The following IP6K3 variants were observed in gnomAD, a reference collection of about 807,000 sequenced individuals.
IP6K3 encodes the protein ATP:1D-myo-inositol-hexakisphosphate phosphotransferase.
In IP6K3, 20 loss-of-function variants were observed where a neutral mutation model predicts 28.8. That is an observed-to-expected ratio of 0.70 (90% CI 0.49 to 1.01). The LOEUF is 1.01. Ranked by LOEUF, IP6K3 falls within the 50% of genes least tolerant of loss-of-function variation. The pLI is 0.00. For missense variants in IP6K3, 480 were observed against 537.1 expected (o/e 0.89, Z 1.05); for synonymous variants, 213 against 221.3 (o/e 0.96, Z 0.33).
At position 33,722,804 on chromosome 6, in the gene IP6K3, G is replaced by T. The variant is rs376075358; in HGVS notation, c.1149C>A (p.Thr383=). The T allele has an allele frequency of 1.3e-4, 203 of 1,614,168 alleles. 1 individual carries two copies. In the South Asian group the frequency reaches 1.3e-3, roughly 10 times the overall value. ...TTYKGYWNEH[T]TYDGPDPGYI... ...AGCCAGGGTCTGGTCCATCGTAGGT[G>T]GTGTGCTCATTCCAGTAGCCCTTGT... The change falls in exon 6 of 6, where the codon ACC becomes ACA. Residue 383 remains threonine (T), a synonymous_variant. Transcript: ENST00000293756.
At chr6:33,741,413 G>A (rs1171421857) in intron 1 of IP6K3, among the ~76,000 whole-genome samples, 2 of 152,042 alleles carry the variant, frequency 1.3e-5, no homozygotes, top group Non-Finnish European at 2.9e-5. Context: ...AGGCCAAGGC[G>A]GGTGAATCAC....
At chr6:33,757,251 C>A in the IP6K3 span, among the ~76,000 whole-genome samples, 1 of 152,244 alleles carries the variant, frequency 6.6e-6, no homozygotes, top group Non-Finnish European at 1.5e-5. Flanking sequence ...TGTCCAGCGA[C>A]TCCCTCCATC....
intron 4 of IP6K3, among the ~76,000 whole-genome samples, chr6:33,725,938 G>C (rs1223502385): frequency 6.6e-6 from 1 of 152,068 alleles, no homozygotes; most frequent in East Asian, 1.9e-4. Flanking sequence ...TACATTTTAC[G>C]GCAGAAAATC....
chr6:33,735,447 C>G lies in IP6K3; in HGVS notation c.30G>C (p.Gly10=), dbSNP rs1464112874. The part of the protein sequence containing the change: MVVQNSADA[G]DMRAGVQLEP... ...CCAGCTGCACGCCTGCCCTCATGTC[C>G]CCGGCGTCTGCGCTGTTTTGCACAA... The change falls in exon 2 of 6, where the codon GGG becomes GGC. Residue 10 remains glycine, a synonymous_variant. Transcript: ENST00000293756. 6.2e-7 allele frequency: 1 copy of G among 1,610,950 alleles called. No individual in the cohort carries two copies. Among genetic ancestry groups the G allele is most frequent in the Admixed American group, 1.7e-5 (1 of 59,888 alleles).
At chr6:33,748,232 A>G (rs1766964870), upstream of IP6K3, among the ~76,000 whole-genome samples, 1 of 151,838 alleles carries the variant, frequency 6.6e-6, no homozygotes, top group African/African-American at 2.4e-5. Flanking sequence ...CCCCTTACCC[A>G]TCTTCTGGTC....
rs375897869 is a variant in IP6K3, at chr6:33,725,658, C to A, written c.590-42G>T. 7 of 1,570,408 alleles carry A rather than the reference C, an allele frequency of 4.5e-6. No homozygotes were observed. In the African/African-American group the frequency reaches 5.4e-5, roughly 12 times the overall value. On this transcript the variant is annotated intron_variant, in intron 4 of 5. Transcript: ENST00000293756. Reference sequence around the variant, plus strand: ...AAGGAAGGCTCTGAGGACTTCAGAACTGCTGCTCCGCCAGAGGTCGTTTGC... The same window carrying A: ...AAGGAAGGCTCTGAGGACTTCAGAAATGCTGCTCCGCCAGAGGTCGTTTGC...
Position 33,725,491 on chromosome 6 carries a change from A to T in IP6K3, c.715T>A (p.Cys239Ser). The change falls in exon 5 of 6, where the codon TGT becomes AGT. Residue 239 changes from cysteine (C) to serine (S), a missense_variant. Coordinates refer to ENST00000293756, the MANE Select transcript of IP6K3 (RefSeq NM_054111.5). The stretch of plus-strand genomic sequence containing the variant: ...AGGCAGGCTGAGGTGCTCTGCGCAC[A>T]CTTCCTCATGTGGCGGGCCTTCTTC... ...EEKKARHMRK[C>S]AQSTSACLGV... is the part of the protein sequence containing the mutation. 1 of 1,613,782 alleles carries T rather than the reference A, an allele frequency of 6.2e-7. No individual in the cohort carries two copies. Among genetic ancestry groups the T allele is most frequent in the Non-Finnish European group, 8.5e-7 (1 of 1,180,032 alleles).
the IP6K3 span, among the ~76,000 whole-genome samples, chr6:33,756,104 T>C: frequency 6.6e-6 from 1 of 152,186 alleles, no homozygotes; most frequent in African/African-American, 2.4e-5. Flanking sequence ...CCTCAGGTGA[T>C]CCACCTGCCC....
the IP6K3 span, among the ~76,000 whole-genome samples, chr6:33,758,462 G>A: frequency 6.6e-6 from 1 of 152,144 alleles, no homozygotes; most frequent in Non-Finnish European, 1.5e-5. Flanking sequence ...GGAGGTTGAG[G>A]CTGTAGTGAG....
the IP6K3 span, among the ~76,000 whole-genome samples, chr6:33,753,893 C>T: frequency 1.3e-5 from 2 of 152,170 alleles, no homozygotes; most frequent in Non-Finnish European, 1.5e-5. Flanking sequence ...ACTGCAAGCT[C>T]TGCCTCCCGG....
At chr6:33,753,348 C>T in the IP6K3 span, among the ~76,000 whole-genome samples, 2 of 152,142 alleles carry the variant, frequency 1.3e-5, no homozygotes, top group Non-Finnish European at 2.9e-5. Context: ...CTGGCATTGT[C>T]CCCCAAATCC....
At position 33,728,549 on chromosome 6, in the gene IP6K3, C is replaced by T. The variant is rs143419594; in HGVS notation, c.200-249G>A. Among the ~76,000 whole-genome samples the T allele has an allele frequency of 1.4e-3, 210 of 152,322 alleles. 1 individual carries two copies. Among genetic ancestry groups the T allele is most frequent in the African/African-American group, 4.7e-3 (194 of 41,582 alleles). On this transcript the variant is annotated intron_variant, in intron 2 of 5. Transcript: ENST00000293756. The stretch of plus-strand genomic sequence containing the variant: ...GATCTTGGCACATCCTCTGCTTTAT[C>T]GCACTTCCCTGCCTCTTTGCGCTTT...
At chr6:33,724,824 G>A (rs760995117) in intron 5 of IP6K3, among the ~76,000 whole-genome samples, 1 of 152,138 alleles carries the variant, frequency 6.6e-6, no homozygotes, top group Non-Finnish European at 1.5e-5. Context: ...TGCATCAAAG[G>A]TCTGCTCACA....
chr6:33,735,530 T>A lies in IP6K3; in HGVS notation c.-54A>T. On this transcript the variant is annotated 5_prime_UTR_variant, in exon 2 of 6. Transcript: ENST00000293756. ...CTGCACAGTCTGCTAGAGGAAGGTT[T>A]GAAGTAGAAAGGGCAGCTCCCAACA... 1 of 1,584,020 alleles carries A rather than the reference T, an allele frequency of 6.3e-7. No individual in the cohort carries two copies. Among genetic ancestry groups the A allele is most frequent in the Non-Finnish European group, 8.5e-7 (1 of 1,170,740 alleles).
chr6:33,728,921 C>T (rs1387702100), intron 2 of IP6K3, among the ~76,000 whole-genome samples: 1 of 152,198 alleles, frequency 6.6e-6, no homozygotes, highest in East Asian at 1.9e-4. Flanking sequence ...AGCTGATGGC[C>T]TGCCATTTCC....
intron 2 of IP6K3, among the ~76,000 whole-genome samples, 175 bp downstream of exon 2, chr6:33,735,103 G>A (rs1213570728): frequency 6.6e-6 from 1 of 152,192 alleles, no homozygotes; most frequent in Non-Finnish European, 1.5e-5. Context: ...AGACCTGGAG[G>A]CTTGAAGAGT....
At chr6:33,748,680 G>T (rs1305444139), upstream of IP6K3, among the ~76,000 whole-genome samples, 7 of 143,336 alleles carry the variant, frequency 4.9e-5, no homozygotes, top group African/African-American at 1.8e-4. Flanking sequence ...CTCCCGTGAT[G>T]GGGAGGCTGC....
Position 33,722,641 on chromosome 6 carries a change from T to G in IP6K3, c.*79A>C. On this transcript the variant is annotated 3_prime_UTR_variant, in exon 6 of 6. Transcript: ENST00000293756. ...GACTATTATGAAGACATCTAAGGGG[T>G]GTCTGGACTACCCTAGCAACCAACA... 1 of 899,654 alleles carries G rather than the reference T, an allele frequency of 1.1e-6. No homozygotes were observed. The highest frequency in any genetic ancestry group is 1.8e-6 in the Non-Finnish European group (1 of 567,522). 55.7% of individuals were successfully genotyped at this position (899,654 alleles called of 1,614,324 possible).
At chr6:33,749,299 TAAC>T (rs1203911154), upstream of IP6K3, among the ~76,000 whole-genome samples, 1 of 152,158 alleles carries the variant, frequency 6.6e-6, no homozygotes, top group African/African-American at 2.4e-5. Context: ...TCTATTTATG[TAAC>T]AACATTTTCG....
Sources: gnomAD v4.1 joint callset for allele counts (sites outside exome capture counted in the v4.1 genomes callset) on GRCh38, gnomAD v4.1.1 for gene constraint, MANE v1.5 for transcripts, NCBI Gene and HGNC (gene_info 2026-07-23, HGNC 2026-07-21) for gene names.